PDE3B: variants seen among roughly 807,000 people sequenced by gnomAD.
PDE3B encodes phosphodiesterase 3B, also known as cGMP-inhibited 3',5'-cyclic phosphodiesterase 3B.
In PDE3B, 66 loss-of-function variants were observed where a neutral mutation model predicts 116.8. The observed-to-expected ratio is 0.56, with a 90% CI of 0.46 to 0.69. The LOEUF (loss-of-function observed/expected upper bound fraction) is 0.69, where lower values mean the gene tolerates loss of function less well. Ranked by LOEUF, PDE3B falls within the 30% of genes least tolerant of loss-of-function variation. PDE3B has a pLI of 0.00. For missense variants in PDE3B, 1,384 were observed against 1,368.1 expected (o/e 1.01, Z -0.18); for synonymous variants, 595 against 533.6 (o/e 1.12, Z -1.59).
intron 1 of PDE3B, among the ~76,000 whole-genome samples, chr11:14,681,153 T>C (rs1043666311): frequency 2.0e-5 from 3 of 152,196 alleles, no homozygotes; most frequent in Non-Finnish European, 4.4e-5. Context: ...TGACTTAATA[T>C]TTTTATCAGT....
intron 12 of PDE3B, among the ~76,000 whole-genome samples, chr11:14,850,070 A>G (rs1206401777): frequency 6.6e-6 from 1 of 152,182 alleles, no homozygotes; most frequent in Non-Finnish European, 1.5e-5. Flanking sequence ...TCACAATAGC[A>G]AAGACTTGGA....
rs143340295 is a variant in PDE3B at position 14,681,128 on chromosome 11, T to G, written c.978+36075T>G. On this transcript the variant is annotated intron_variant, in intron 1 of 15. Coordinates refer to ENST00000282096, the MANE Select transcript of PDE3B (RefSeq NM_000922.4). Reference sequence around the variant, plus strand: ...TTTTGACTTAATATTTTCAAACCAGTGAAAAGCACATTTTTGACTTAATAT... The same window carrying G: ...TTTTGACTTAATATTTTCAAACCAGGGAAAAGCACATTTTTGACTTAATAT... Among the ~76,000 whole-genome samples, 83 of 152,326 alleles carry G rather than the reference T, an allele frequency of 5.4e-4. 1 individual carries two copies. The highest frequency in any genetic ancestry group is 1.9e-3 in the African/African-American group (78 of 41,572).
chr11:14,676,622 T>G (rs1055959409), intron 1 of PDE3B, among the ~76,000 whole-genome samples: 2 of 152,102 alleles, frequency 1.3e-5, no homozygotes, highest in African/African-American at 2.4e-5. Flanking sequence ...CACTGAACAC[T>G]TAGGCTTTTT....
intron 4 of PDE3B, among the ~76,000 whole-genome samples, chr11:14,800,604 C>T (rs1282541091): frequency 6.6e-6 from 1 of 152,156 alleles, no homozygotes; most frequent in Non-Finnish European, 1.5e-5. Context: ...TCCTTCATTT[C>T]AACTTCGGTG....
At chr11:14,654,206 C>G (rs539989869) in intron 1 of PDE3B, among the ~76,000 whole-genome samples, 43 of 152,058 alleles carry the variant, frequency 2.8e-4, no homozygotes, top group Non-Finnish European at 4.7e-4. Flanking sequence ...GTCCAGAAAG[C>G]TCACTGAATC....
At chr11:14,663,410 A>G (rs1440006168) in intron 1 of PDE3B, among the ~76,000 whole-genome samples, 2 of 152,170 alleles carry the variant, frequency 1.3e-5, no homozygotes, top group Admixed American at 6.5e-5. Flanking sequence ...CTAACGAGCA[A>G]AATAACCAGC....
At chr11:14,769,316 A>G (rs1857574488) in intron 1 of PDE3B, among the ~76,000 whole-genome samples, 1 of 151,418 alleles carries the variant, frequency 6.6e-6, no homozygotes, top group Non-Finnish European at 1.5e-5. Context: ...GTAATACAAA[A>G]TGCTACAGTA....
intron 1 of PDE3B, among the ~76,000 whole-genome samples, chr11:14,737,775 C>T (rs866707656): frequency 9.6e-6 from 1 of 104,588 alleles, no homozygotes; most frequent in Non-Finnish European, 1.8e-5. Context: ...CCCCTCCCCC[C>T]ACCCCACAAC....
intron 1 of PDE3B, among the ~76,000 whole-genome samples, chr11:14,678,817 G>T (rs1001691882): frequency 9.9e-5 from 15 of 151,966 alleles, no homozygotes; most frequent in African/African-American, 3.4e-4. Flanking sequence ...TAATATTTAA[G>T]AACTTTTTAA....
At chr11:14,768,766 A>G (rs1172280780) in intron 1 of PDE3B, among the ~76,000 whole-genome samples, 3 of 151,480 alleles carry the variant, frequency 2.0e-5, no homozygotes, top group Admixed American at 6.6e-5. Flanking sequence ...AAAATACACT[A>G]AAAATGTCTC....
At chr11:14,833,045 C>A (rs979066969) in intron 10 of PDE3B, among the ~76,000 whole-genome samples, 1 of 151,812 alleles carries the variant, frequency 6.6e-6, no homozygotes, top group South Asian at 2.1e-4. Context: ...CCGCCCCCCA[C>A]GTTCAAGTGA....
chr11:14,680,636 A>G (rs1037769978), intron 1 of PDE3B, among the ~76,000 whole-genome samples: 7 of 152,198 alleles, frequency 4.6e-5, no homozygotes, highest in African/African-American at 1.7e-4. Context: ...TTATTGTTAT[A>G]CATTCTGTCT....
chr11:14,890,987 C>G, the PDE3B span: 4 of 985,462 alleles, frequency 4.1e-6, no homozygotes, highest in Non-Finnish European at 4.8e-6. Flanking sequence ...TTAGTTTTCT[C>G]TCTCCCACTC....
At chr11:14,674,118 A>G (rs1189641387) in intron 1 of PDE3B, 1 of 1,489,456 alleles carries the variant, frequency 6.7e-7, no homozygotes, top group Non-Finnish European at 9.4e-7. Flanking sequence ...ATGTTTCCTC[A>G]TTTTCAACAG....
intron 4 of PDE3B, among the ~76,000 whole-genome samples, chr11:14,797,227 G>T (rs932166912): frequency 1.3e-5 from 2 of 151,954 alleles, no homozygotes; most frequent in Non-Finnish European, 2.9e-5. Flanking sequence ...TCTATATATC[G>T]GTTTGGTACC....
At chr11:14,818,587 T>G (rs1276300669) in intron 6 of PDE3B, among the ~76,000 whole-genome samples, 194 bp downstream of exon 6, 1 of 152,184 alleles carries the variant, frequency 6.6e-6, no homozygotes, top group Non-Finnish European at 1.5e-5. Context: ...TTTCAAAAAC[T>G]TATTGATGAT....
At chr11:14,722,231 A>T (rs868084745) in intron 1 of PDE3B, among the ~76,000 whole-genome samples, 4 of 152,054 alleles carry the variant, frequency 2.6e-5, no homozygotes, top group East Asian at 1.9e-4. Context: ...TAATGGGTGC[A>T]GCACACCAAC....
chr11:14,652,314 GCT>G (rs1347503216), intron 1 of PDE3B, among the ~76,000 whole-genome samples: 1 of 151,968 alleles, frequency 6.6e-6, no homozygotes, highest in African/African-American at 2.4e-5. Context: ...TTATTGCTAG[GCT>G]CTCTGTTCTA....
Position 14,859,870 on chromosome 11 carries a change from G to C in PDE3B, c.2724+624G>C, listed in dbSNP as rs140701587. Among the ~76,000 whole-genome samples, 85 of 152,282 alleles carry C rather than the reference G, an allele frequency of 5.6e-4. 1 individual carries two copies. In the East Asian group the frequency reaches 0.016, roughly 28 times the overall value. Reference sequence around the variant, plus strand: ...GCCCCAGTATGACGGTGGTACTCATGGGACTATGCTTTATCCCTCAGACAT... The same window carrying C: ...GCCCCAGTATGACGGTGGTACTCATCGGACTATGCTTTATCCCTCAGACAT... On this transcript the variant is annotated intron_variant, in intron 13 of 15. Coordinates refer to ENST00000282096, the MANE Select transcript of PDE3B (RefSeq NM_000922.4).
Sources: gnomAD v4.1 joint callset for allele counts (sites outside exome capture counted in the v4.1 genomes callset) on GRCh38, gnomAD v4.1.1 for gene constraint, MANE v1.5 for transcripts, NCBI Gene and HGNC (gene_info 2026-07-23, HGNC 2026-07-21) for gene names.